The following ADK variants were observed in gnomAD, a reference collection of about 807,000 sequenced individuals.
The protein encoded by ADK is adenosine kinase.
ADK carries 24 observed loss-of-function variants against 44.7 expected under a neutral mutation model. The observed-to-expected ratio is 0.54, with a 90% CI of 0.39 to 0.76. The LOEUF (loss-of-function observed/expected upper bound fraction) is 0.76, where lower values mean the gene tolerates loss of function less well. Among genes scored for constraint, ADK ranks in the 30% least tolerant of loss-of-function variants. The pLI is 0.00. For missense variants in ADK, 321 were observed against 425.1 expected (o/e 0.76, Z 2.15); for synonymous variants, 128 against 142.6 (o/e 0.90, Z 0.73).
chr10:74,462,938 C>T (rs1224403128), intron 6 of ADK, among the ~76,000 whole-genome samples: 2 of 152,088 alleles, frequency 1.3e-5, no homozygotes, highest in East Asian at 3.8e-4. Context: ...TTAGCATGTC[C>T]AGACTTTAGG....
chr10:74,531,080 A>C (rs977740975), intron 7 of ADK, among the ~76,000 whole-genome samples: 3 of 152,170 alleles, frequency 2.0e-5, no homozygotes, highest in Non-Finnish European at 4.4e-5. Flanking sequence ...ACATTTGCAG[A>C]ATCCCAACAA....
intron 4 of ADK, among the ~76,000 whole-genome samples, chr10:74,332,629 T>TCAGTAGTGATGCA (rs1461428390): frequency 1.3e-5 from 2 of 152,166 alleles, no homozygotes; most frequent in African/African-American, 2.4e-5. Flanking sequence ...TTGAGAGTCA[T>TCAGTAGTGATGCA]CAGTAGTGAT....
At chr10:74,365,820 C>T (rs1842480923) in intron 4 of ADK, among the ~76,000 whole-genome samples, 1 of 152,168 alleles carries the variant, frequency 6.6e-6, no homozygotes, top group Admixed American at 6.5e-5. Flanking sequence ...GATAAATTTT[C>T]ACCAGCAACT....
At chr10:74,528,054 A>T in intron 7 of ADK, 1 of 974,462 alleles carries the variant, frequency 1.0e-6, no homozygotes, top group Non-Finnish European at 1.7e-6. Flanking sequence ...GTAAACTCTT[A>T]AGATAAAATG....
At chr10:74,343,095 A>T (rs1022493149) in intron 4 of ADK, among the ~76,000 whole-genome samples, 1 of 152,094 alleles carries the variant, frequency 6.6e-6, no homozygotes, top group Non-Finnish European at 1.5e-5. Context: ...TTCACCATTA[A>T]GTTTGATGTT....
At chr10:74,462,350 CTCTT>C (rs747024529) in intron 6 of ADK, among the ~76,000 whole-genome samples, 40 of 152,012 alleles carry the variant, frequency 2.6e-4, no homozygotes, top group Non-Finnish European at 5.2e-4. Flanking sequence ...AAACTAAAAC[CTCTT>C]TCTAAGAGTA....
chr10:74,527,197 T>C lies in ADK; in HGVS notation c.726+1771T>C, dbSNP rs550753035. Among the ~76,000 whole-genome samples, 12 of 152,138 alleles carry C rather than the reference T, an allele frequency of 7.9e-5. 1 individual carries two copies. The highest frequency in any genetic ancestry group is 1.9e-4 in the African/African-American group (8 of 41,516). On this transcript the variant is annotated intron_variant, in intron 7 of 10. Transcript: ENST00000539909. ...TAACACGGTGAAAGCCCGTCTCTACTTAAAATACAAAAAATGAGCCAGGCG... is the reference window on the plus strand; with the variant it reads ...TAACACGGTGAAAGCCCGTCTCTACCTAAAATACAAAAAATGAGCCAGGCG...
intron 3 of ADK, among the ~76,000 whole-genome samples, chr10:74,252,199 A>G (rs1264538665): frequency 1.3e-5 from 2 of 152,182 alleles, no homozygotes; most frequent in East Asian, 3.8e-4. Context: ...AGGTCAGGAT[A>G]AAACCAAAAC....
At chr10:74,486,878 TTC>T (rs1847285041) in intron 6 of ADK, among the ~76,000 whole-genome samples, 1 of 152,188 alleles carries the variant, frequency 6.6e-6, no homozygotes, top group South Asian at 2.1e-4. Context: ...AACACAAAAC[TTC>T]TGTTTATTCT....
At chr10:74,547,866 C>G (rs560748661) in intron 7 of ADK, among the ~76,000 whole-genome samples, 1 of 152,308 alleles carries the variant, frequency 6.6e-6, no homozygotes, top group South Asian at 2.1e-4. Flanking sequence ...CCATGTTAGT[C>G]AGGCTGGTCT....
Position 74,416,061 on chromosome 10 carries a change from CACACAT to C in ADK, c.555+17484_555+17489del, listed in dbSNP as rs571987645. 3.9e-3 allele frequency among the ~76,000 whole-genome samples: 502 copies of C among 128,168 alleles called. 2 individuals are homozygous for C. The highest frequency in any genetic ancestry group is 0.011 in the African/African-American group (410 of 37,276). 84.1% of individuals were successfully genotyped at this position (128,168 alleles called of 152,430 possible). On this transcript the variant is annotated intron_variant, in intron 6 of 10. Coordinates refer to ENST00000539909, the MANE Select transcript of ADK (RefSeq NM_006721.4). ...ACACACACACACACACACACACACA[CACACAT>C]ATATGTAATGCTACCGTGTTTGAGG...
intron 7 of ADK, among the ~76,000 whole-genome samples, chr10:74,550,072 CTTT>C (rs60206457): frequency 7.3e-5 from 10 of 136,378 alleles, no homozygotes; most frequent in Admixed American, 7.3e-5. Context: ...AACCCAATCA[CTTT>C]TTTTTTTTTT....
chr10:74,553,098 C>G (rs1850091953), intron 7 of ADK, among the ~76,000 whole-genome samples: 1 of 138,912 alleles, frequency 7.2e-6, no homozygotes, highest in South Asian at 2.4e-4. Context: ...CTGAGAAGAA[C>G]AAAAACATAT....
At chr10:74,573,596 C>T (rs1851055009) in intron 7 of ADK, among the ~76,000 whole-genome samples, 1 of 152,176 alleles carries the variant, frequency 6.6e-6, no homozygotes, top group South Asian at 2.1e-4. Context: ...TTGTCTGTGC[C>T]CTGCCCCCAG....
intron 10 of ADK, among the ~76,000 whole-genome samples, chr10:74,701,799 G>T (rs1470969511): frequency 6.6e-6 from 1 of 152,092 alleles, no homozygotes. Context: ...ACAAAAATTA[G>T]CCAGGCATGG....
At chr10:74,300,180 C>T (rs1429192357) in intron 3 of ADK, among the ~76,000 whole-genome samples, 1 of 151,366 alleles carries the variant, frequency 6.6e-6, no homozygotes, top group African/African-American at 2.4e-5. Context: ...CATCATGTCC[C>T]TGGCTAATAC....
At chr10:74,390,615 C>G (rs1843298147) in intron 4 of ADK, among the ~76,000 whole-genome samples, 3 of 152,120 alleles carry the variant, frequency 2.0e-5, no homozygotes, top group Admixed American at 2.0e-4. Flanking sequence ...GATGTGTGAT[C>G]AAGATTCCAG....
intron 5 of ADK, among the ~76,000 whole-genome samples, chr10:74,396,289 T>C (rs1347999084): frequency 6.6e-6 from 1 of 152,010 alleles, no homozygotes; most frequent in Non-Finnish European, 1.5e-5. Flanking sequence ...ATCCTAACAC[T>C]TTAGGAGACC....
intron 9 of ADK, among the ~76,000 whole-genome samples, chr10:74,645,748 G>GT (rs1460437289): frequency 6.6e-6 from 1 of 152,172 alleles, no homozygotes; most frequent in Admixed American, 6.5e-5. Flanking sequence ...TCAAAATATT[G>GT]TTTGTCTAAT....
Sources: gnomAD v4.1 joint callset for allele counts (sites outside exome capture counted in the v4.1 genomes callset) on GRCh38, gnomAD v4.1.1 for gene constraint, MANE v1.5 for transcripts, NCBI Gene and HGNC (gene_info 2026-07-23, HGNC 2026-07-21) for gene names.